The following USP45 variants were observed in gnomAD, a reference collection of about 807,000 sequenced individuals.
USP45 encodes the protein ubiquitin carboxyl-terminal hydrolase 45.
Under a neutral mutation model 95.8 loss-of-function variants are expected in USP45, and 89 were observed. The observed-to-expected ratio is 0.93, with a 90% CI of 0.78 to 1.11. USP45 has a LOEUF of 1.11. Among genes scored for constraint, USP45 ranks in the 50% least tolerant of loss-of-function variants. The pLI is 0.00. For synonymous variants in USP45, 281 were observed against 316.2 expected, an observed-to-expected ratio of 0.89 and a Z score of 1.18; for missense variants, 898 against 942.5, an observed-to-expected ratio of 0.95 and a Z score of 0.62.
intron 13 of USP45, among the ~76,000 whole-genome samples, chr6:99,453,173 G>GAAAAAAAAAA (rs35773193): frequency 1.4e-5 from 2 of 140,700 alleles, no homozygotes; most frequent in Non-Finnish European, 3.1e-5. Context: ...ACTTAAAAAA[G>GAAAAAAAAAA]AAAAAAAAAA....
At chr6:99,488,609 T>C (rs1794515755) in intron 6 of USP45, 72 bp downstream of exon 6, 1 of 1,468,980 alleles carries the variant, frequency 6.8e-7, no homozygotes, top group Non-Finnish European at 9.2e-7. Context: ...TTTGACAGTC[T>C]ACAGGTGAGC....
intron 1 of USP45, among the ~76,000 whole-genome samples, chr6:99,514,427 C>G (rs574182490): frequency 1.3e-5 from 2 of 152,206 alleles, no homozygotes; most frequent in African/African-American, 2.4e-5. Flanking sequence ...AGATGCCAAA[C>G]AAGCACCAAC....
chr6:99,514,583 G>C (rs1320677092), intron 1 of USP45, among the ~76,000 whole-genome samples: 1 of 152,108 alleles, frequency 6.6e-6, no homozygotes, highest in Non-Finnish European at 1.5e-5. Context: ...CTTAACACTT[G>C]TCTTTTCTCT....
At chr6:99,461,053 A>G in intron 13 of USP45, 1 of 985,332 alleles carries the variant, frequency 1.0e-6, no homozygotes, top group South Asian at 4.7e-5. Context: ...TGTAAATTGT[A>G]CCAGAGCACA....
intron 9 of USP45, among the ~76,000 whole-genome samples, chr6:99,475,206 A>G (rs1289334581): frequency 1.3e-5 from 2 of 152,180 alleles, no homozygotes; most frequent in African/African-American, 4.8e-5. Flanking sequence ...AAATTTACAG[A>G]GCCAGAGAAA....
intron 9 of USP45, among the ~76,000 whole-genome samples, chr6:99,475,317 CTTTT>C (rs34747235): frequency 4.2e-4 from 52 of 124,740 alleles, no homozygotes; most frequent in Non-Finnish European, 4.8e-4. Flanking sequence ...CTTAAGATTC[CTTTT>C]TTTTTTTTTT....
At chr6:99,467,330 C>A (rs547628226) in intron 10 of USP45, among the ~76,000 whole-genome samples, 14 of 152,138 alleles carry the variant, frequency 9.2e-5, no homozygotes, top group African/African-American at 3.4e-4. Context: ...AAACCATGAA[C>A]GCAGTTTAAG....
chr6:99,433,661 CAATA>C lies in USP45; in HGVS notation c.*2051_*2054del, dbSNP rs528440499. ...AGCTCCTTTAACATGAAGAAAATGA[CAATA>C]AAAATATCTTACTTGCATGTTACTT... On this transcript the variant is annotated 3_prime_UTR_variant, in exon 18 of 18. Coordinates refer to ENST00000500704, the MANE Select transcript of USP45 (RefSeq NM_001346022.3). The C allele has an allele frequency of 6.6e-6, 1 of 152,032 alleles. No homozygotes were observed. The highest frequency in any genetic ancestry group is 1.5e-5 in the Non-Finnish European group (1 of 67,980). The allele number at this position is 152,032 out of a possible 1,614,324, so 9.4% of individuals were successfully genotyped here. A position where few individuals can be genotyped will look rare whatever the true frequency, so the allele number is the denominator to read the frequency against.
intron 14 of USP45, 27 bp from the exon 15 acceptor site, chr6:99,443,689 AT>A: frequency 7.1e-7 from 1 of 1,399,878 alleles, no homozygotes; most frequent in Non-Finnish European, 9.6e-7. Flanking sequence ...AAATTTATTT[AT>A]AAAATTCCAT....
chr6:99,452,435 A>C (rs535340731), intron 13 of USP45, among the ~76,000 whole-genome samples: 6 of 152,260 alleles, frequency 3.9e-5, no homozygotes, highest in Non-Finnish European at 8.8e-5. Flanking sequence ...AATGCTCATC[A>C]TCACTGGCCA....
chr6:99,505,689 C>T (rs906904871), intron 4 of USP45, among the ~76,000 whole-genome samples: 3 of 150,426 alleles, frequency 2.0e-5, no homozygotes, highest in African/African-American at 7.3e-5. Flanking sequence ...TGCTACATTA[C>T]ATGTTCACAA....
intron 5 of USP45, among the ~76,000 whole-genome samples, chr6:99,503,368 C>G (rs1029731490): frequency 6.6e-6 from 1 of 151,594 alleles, no homozygotes; most frequent in African/African-American, 2.4e-5. Flanking sequence ...GCTCTGTTGC[C>G]TAGACTGGAG....
At chr6:99,443,528 A>G in intron 15 of USP45, 37 bp downstream of exon 15, 1 of 1,439,456 alleles carries the variant, frequency 6.9e-7, no homozygotes, top group Non-Finnish European at 9.7e-7. Context: ...TCTGTAAAAC[A>G]CATGATGAAA....
chr6:99,457,835 C>G (rs544188113), intron 13 of USP45, among the ~76,000 whole-genome samples: 6 of 152,128 alleles, frequency 3.9e-5, no homozygotes, highest in Non-Finnish European at 7.3e-5. Context: ...TTTTAATAAA[C>G]AGGTGATTCT....
intron 13 of USP45, among the ~76,000 whole-genome samples, chr6:99,451,618 T>C (rs563639493): frequency 3.5e-4 from 54 of 152,280 alleles, no homozygotes; most frequent in Non-Finnish European, 3.7e-4. Flanking sequence ...AGGTAATTTA[T>C]AGATTCAATG....
At chr6:99,444,021 A>AT (rs200530604) in intron 14 of USP45, among the ~76,000 whole-genome samples, 18,390 of 147,990 alleles carry the variant, frequency 0.12, 1,265 homozygotes, top group Non-Finnish European at 0.17. Context: ...TAGATTTCTA[A>AT]TTTTTTTTTT....
At chr6:99,504,547 G>A (rs147148432) in intron 4 of USP45, among the ~76,000 whole-genome samples, 14 of 152,302 alleles carry the variant, frequency 9.2e-5, no homozygotes, top group Admixed American at 2.0e-4. Context: ...AGAGGATCTG[G>A]AGAGAAATGG....
chr6:99,482,720 A>G (rs189277267), intron 8 of USP45, 33 bp downstream of exon 8: 7 of 1,557,260 alleles, frequency 4.5e-6, no homozygotes, highest in Admixed American at 4.0e-5. Flanking sequence ...TTTGTAACTC[A>G]TAATTATTTA....
At chr6:99,510,907 T>C (rs1241759675) in intron 1 of USP45, among the ~76,000 whole-genome samples, 1 of 152,138 alleles carries the variant, frequency 6.6e-6, no homozygotes, top group Non-Finnish European at 1.5e-5. Flanking sequence ...TCCTCCCTTC[T>C]GCTAGCAAGG....
Sources: gnomAD v4.1 joint callset for allele counts (sites outside exome capture counted in the v4.1 genomes callset) on GRCh38, gnomAD v4.1.1 for gene constraint, MANE v1.5 for transcripts, NCBI Gene and HGNC (gene_info 2026-07-23, HGNC 2026-07-21) for gene names.